The following GAB2 variants were observed in gnomAD, a reference collection of about 807,000 sequenced individuals.
GAB2 encodes the protein GRB2-associated-binding protein 2.
In GAB2, 26 loss-of-function variants were observed where a neutral mutation model predicts 65.5. The ratio of observed to expected loss-of-function variants is 0.40; its 90% CI spans 0.29 to 0.55. GAB2 has a LOEUF of 0.55. Ranked by LOEUF, GAB2 falls within the 20% of genes least tolerant of loss-of-function variation. The pLI, the probability that GAB2 is intolerant of heterozygous loss-of-function variation, is 0.53. For missense variants in GAB2, 884 were observed against 875.8 expected, an observed-to-expected ratio of 1.01 and a Z score of -0.12; for synonymous variants, 321 against 329.6, an observed-to-expected ratio of 0.97 and a Z score of 0.28.
intron 1 of GAB2, among the ~76,000 whole-genome samples, chr11:78,382,909 T>C (rs1591077899): frequency 6.6e-6 from 1 of 152,254 alleles, no homozygotes; most frequent in South Asian, 2.1e-4. Context: ...ATAGAGGTTC[T>C]GGCCTCTCAG....
At chr11:78,270,126 A>G (rs1284918990) in intron 2 of GAB2, among the ~76,000 whole-genome samples, 1 of 152,096 alleles carries the variant, frequency 6.6e-6, no homozygotes, top group African/African-American at 2.4e-5. Flanking sequence ...CAGGAGATCA[A>G]TATCATCCTG....
intron 1 of GAB2, among the ~76,000 whole-genome samples, chr11:78,340,809 T>C (rs1326401498): frequency 6.6e-6 from 1 of 152,162 alleles, no homozygotes; most frequent in Non-Finnish European, 1.5e-5. Flanking sequence ...GGTGTATCTC[T>C]CAAAGCCTTT....
At chr11:78,304,517 A>C (rs6592772) in intron 1 of GAB2, among the ~76,000 whole-genome samples, 24,055 of 152,190 alleles carry the variant, frequency 0.16, 2,460 homozygotes, top group East Asian at 0.4. Flanking sequence ...GTCACATTAC[A>C]ATCTTAGACT....
intron 1 of GAB2, among the ~76,000 whole-genome samples, chr11:78,409,526 G>A (rs1337244120): frequency 6.6e-6 from 1 of 152,144 alleles, no homozygotes; most frequent in Admixed American, 6.5e-5. Flanking sequence ...GGAGGTTGCG[G>A]AGAGCTGAGA....
intron 1 of GAB2, among the ~76,000 whole-genome samples, chr11:78,295,176 C>T (rs1250416998): frequency 2.0e-5 from 3 of 152,176 alleles, no homozygotes; most frequent in Non-Finnish European, 4.4e-5. Context: ...CAAATCAAAA[C>T]CACCATGAGA....
intron 1 of GAB2, among the ~76,000 whole-genome samples, chr11:78,361,795 G>A (rs2134717574): frequency 6.6e-6 from 1 of 152,192 alleles, no homozygotes; most frequent in South Asian, 2.1e-4. Context: ...AGAGCAATGT[G>A]GCAAAATTAC....
At chr11:78,326,107 T>C (rs189554132) in intron 1 of GAB2, among the ~76,000 whole-genome samples, 15 of 152,356 alleles carry the variant, frequency 9.8e-5, no homozygotes, top group African/African-American at 3.4e-4. Context: ...TTTTAATACA[T>C]ATAGTAAAGC....
chr11:78,229,783 T>C (rs111451124), intron 3 of GAB2, among the ~76,000 whole-genome samples: 5,135 of 152,330 alleles, frequency 0.034, 275 homozygotes, highest in African/African-American at 0.12. Context: ...CAGTGTTCCC[T>C]GTGTGCCCCA....
intron 6 of GAB2, among the ~76,000 whole-genome samples, chr11:78,222,758 T>A (rs1220900962): frequency 6.6e-6 from 1 of 152,036 alleles, no homozygotes; most frequent in Admixed American, 6.6e-5. Flanking sequence ...AATTTTTATA[T>A]TTTTAGTAGA....
In GAB2 at chr11:78,223,688, A is replaced by G. The variant is rs746204871; in HGVS notation, c.1303-12T>C. On this transcript the variant is annotated splice_polypyrimidine_tract_variant and intron_variant, in intron 5 of 9. Coordinates refer to ENST00000361507, the MANE Select transcript of GAB2 (RefSeq NM_080491.3). ...ATCATTTTCCCTGGCTAGGGAGAGG[A>G]ACAGTGAAAGAAATACAGCTGTTAC... The G allele has an allele frequency of 1.1e-5, 17 of 1,575,922 alleles. No homozygotes were observed. Among genetic ancestry groups the G allele is most frequent in the Non-Finnish European group, 1.5e-5 (17 of 1,159,756 alleles).
chr11:78,311,490 A>C (rs1855498526), intron 1 of GAB2, among the ~76,000 whole-genome samples: 1 of 152,174 alleles, frequency 6.6e-6, no homozygotes, highest in Admixed American at 6.5e-5. Flanking sequence ...ATTTGATATA[A>C]GAACAGTTCA....
intron 3 of GAB2, among the ~76,000 whole-genome samples, chr11:78,243,104 G>A (rs1443942204): frequency 1.3e-5 from 2 of 151,234 alleles, no homozygotes; most frequent in East Asian, 3.9e-4. Flanking sequence ...GGAGGTTGCA[G>A]TAAGCTGAGA....
intron 1 of GAB2, chr11:78,341,882 G>A: frequency 1.0e-6 from 1 of 985,978 alleles, no homozygotes; most frequent in Non-Finnish European, 1.2e-6. Context: ...CAAAATTTCT[G>A]ATCCAAGTTA....
intron 3 of GAB2, among the ~76,000 whole-genome samples, chr11:78,227,484 G>GT (rs1051078052): frequency 1.3e-5 from 2 of 152,108 alleles, no homozygotes; most frequent in African/African-American, 4.8e-5. Flanking sequence ...TATTGATGTT[G>GT]TAAGTTGAAA....
At chr11:78,317,947 C>T (rs1591033088) in intron 1 of GAB2, among the ~76,000 whole-genome samples, 1 of 152,172 alleles carries the variant, frequency 6.6e-6, no homozygotes, top group African/African-American at 2.4e-5. Context: ...AACTTACAAA[C>T]AACCTGGCAG....
intron 6 of GAB2, among the ~76,000 whole-genome samples, chr11:78,222,643 C>T (rs1428824556): frequency 3.3e-5 from 5 of 151,748 alleles, no homozygotes; most frequent in South Asian, 2.1e-4. Context: ...AGTGCAGCGG[C>T]GCAATCTCAG....
At chr11:78,398,744 T>C (rs368741806) in intron 1 of GAB2, among the ~76,000 whole-genome samples, 4 of 152,264 alleles carry the variant, frequency 2.6e-5, no homozygotes, top group East Asian at 1.9e-4. Flanking sequence ...ATCATGGATT[T>C]TGGCATACCA....
chr11:78,233,710 G>A (rs1036655115), intron 3 of GAB2, among the ~76,000 whole-genome samples: 2 of 152,132 alleles, frequency 1.3e-5, no homozygotes, highest in African/African-American at 4.8e-5. Context: ...GGGTTCAAGC[G>A]ATTCTCCAGC....
chr11:78,359,514 CA>C (rs1205727232), intron 1 of GAB2, among the ~76,000 whole-genome samples: 2 of 151,674 alleles, frequency 1.3e-5, no homozygotes, highest in East Asian at 1.9e-4. Flanking sequence ...TATTTTCAGA[CA>C]AAAAAACAGA....
Sources: allele counts gnomAD v4.1 joint callset (sites outside exome capture counted in the v4.1 genomes callset), GRCh38; gene constraint gnomAD v4.1.1; transcripts MANE v1.5; gene names NCBI Gene and HGNC (gene_info 2026-07-23, HGNC 2026-07-21).